Variants in CSRNP3 observed in about 807,000 individuals in gnomAD.
The protein encoded by CSRNP3 is cysteine/serine-rich nuclear protein 3.
In CSRNP3, 12 loss-of-function variants were observed where a neutral mutation model predicts 48.0. That is an observed-to-expected ratio of 0.25 (90% CI 0.16 to 0.41). The LOEUF (loss-of-function observed/expected upper bound fraction) is 0.41. Among genes scored for constraint, CSRNP3 ranks in the 10% least tolerant of loss-of-function variants. The pLI is 1.00. For synonymous variants in CSRNP3, 263 were observed against 269.7 expected (o/e 0.98, Z 0.24); for missense variants, 580 against 724.4 (o/e 0.80, Z 2.29).
At chr2:165,575,911 A>G (rs1685442732) in intron 3 of CSRNP3, among the ~76,000 whole-genome samples, 1 of 151,964 alleles carries the variant, frequency 6.6e-6, no homozygotes. Context: ...ATTTTCTTCT[A>G]AAGTGTTTCT....
Position 165,560,338 on chromosome 2 carries a change from GT to G in CSRNP3, c.-23-34701del, listed in dbSNP as rs1685216613. ...ATTACTCAGTGACTTTTGTAAAGCC[GT>G]TTTGAAAATTACCCATGTCATTAGC... On this transcript the variant is annotated intron_variant, in intron 3 of 6. Transcript: ENST00000651982. 4.6e-5 allele frequency among the ~76,000 whole-genome samples: 7 copies of G among 152,114 alleles called. 1 individual carries two copies. In the South Asian group the frequency reaches 1.4e-3, roughly 31 times the overall value.
Position 165,679,632 on chromosome 2 carries a change from C to T in CSRNP3, c.1637C>T (p.Ala546Val). Residue 546 changes from alanine (A) to valine (V), a missense_variant, in exon 7 of 7, where the codon GCA becomes GTA. This residue lies in a region of CSRNP3 where 369 missense variants were observed against 380.8 expected (regional missense o/e 0.97). Coordinates refer to ENST00000651982, the MANE Select transcript of CSRNP3 (RefSeq NM_001172173.2). ...CCCTCCCAAGAAGGGTTTGTCTCTG[C>T]ATTGAATGGTGACAGTCACATTTCA... ...KGPSQEGFVS[A>V]LNGDSHISEH... 6.2e-7 allele frequency: 1 copy of T among 1,614,142 alleles called. No homozygotes were observed. The highest frequency in any genetic ancestry group is 8.5e-7 in the Non-Finnish European group (1 of 1,180,002).
chr2:165,528,147 C>A (rs1007927151), intron 3 of CSRNP3, among the ~76,000 whole-genome samples: 7 of 151,978 alleles, frequency 4.6e-5, no homozygotes, highest in African/African-American at 1.7e-4. Context: ...AATGTTGAGT[C>A]CTTTGCCTAT....
In CSRNP3 at chr2:165,679,430, G is replaced by A; in HGVS notation, c.1435G>A (p.Asp479Asn). The A allele has an allele frequency of 6.2e-7, 1 of 1,612,974 alleles. No homozygotes were observed. Among genetic ancestry groups the A allele is most frequent in the Non-Finnish European group, 8.5e-7 (1 of 1,179,632 alleles). The change falls in exon 7 of 7, where the codon GAC becomes AAC. Residue 479 changes from aspartate (D) to asparagine (N), a missense_variant. Asp to Asn is a conservative substitution (Grantham distance 23). Transcript: ENST00000651982. ...CACCATGACCCCGGAGCAATTCGTT[G>A]ACTATGCCCGACAAGCAGAAGAGGC... ...PYTMTPEQFV[D>N]YARQAEEAYG...
intron 4 of CSRNP3, among the ~76,000 whole-genome samples, chr2:165,625,623 G>A (rs564376054): frequency 6.8e-6 from 1 of 146,508 alleles, no homozygotes; most frequent in South Asian, 2.4e-4. Flanking sequence ...AACAGAGTGA[G>A]ATTCTGTCAA....
At chr2:165,671,040 C>A (rs536585579) in intron 5 of CSRNP3, among the ~76,000 whole-genome samples, 5 of 152,230 alleles carry the variant, frequency 3.3e-5, no homozygotes, top group Admixed American at 6.5e-5. Flanking sequence ...GTGTTTAATT[C>A]CATGTTAAAT....
At chr2:165,497,295 C>T (rs946067093) in intron 2 of CSRNP3, among the ~76,000 whole-genome samples, 4 of 151,874 alleles carry the variant, frequency 2.6e-5, no homozygotes, top group Non-Finnish European at 4.4e-5. Context: ...ATGTACTTTT[C>T]TTTGTGAATT....
At chr2:165,625,462 AT>A (rs1686414455) in intron 4 of CSRNP3, among the ~76,000 whole-genome samples, 1 of 150,150 alleles carries the variant, frequency 6.7e-6, no homozygotes, top group Non-Finnish European at 1.5e-5. Context: ...CCTGTCTCTA[AT>A]AAAAAAAAAA....
chr2:165,472,567 C>T (rs1162290867), intron 1 of CSRNP3, among the ~76,000 whole-genome samples: 2 of 151,876 alleles, frequency 1.3e-5, no homozygotes, highest in South Asian at 2.1e-4. Flanking sequence ...TATAAAATTA[C>T]ATGCTTCAAA....
intron 4 of CSRNP3, among the ~76,000 whole-genome samples, chr2:165,603,918 T>G (rs987740653): frequency 4.6e-5 from 7 of 152,222 alleles, no homozygotes; most frequent in Admixed American, 1.3e-4. Context: ...TCTTGCACCC[T>G]TCATTCATAT....
At chr2:165,564,728 C>T (rs1446968633) in intron 3 of CSRNP3, among the ~76,000 whole-genome samples, 2 of 151,870 alleles carry the variant, frequency 1.3e-5, no homozygotes, top group East Asian at 1.9e-4. Flanking sequence ...TGATTTTAAT[C>T]GCTATCTGAT....
At chr2:165,516,730 A>T (rs1158782510) in intron 2 of CSRNP3, among the ~76,000 whole-genome samples, 2 of 152,160 alleles carry the variant, frequency 1.3e-5, no homozygotes, top group Admixed American at 6.5e-5. Context: ...TAGCTCTGTA[A>T]TTCCAATCAC....
At chr2:165,520,831 A>AT (rs71028492) in intron 3 of CSRNP3, among the ~76,000 whole-genome samples, 7 of 109,780 alleles carry the variant, frequency 6.4e-5, no homozygotes, top group African/African-American at 1.1e-4. Flanking sequence ...ATATATACAT[A>AT]TTTTTTTTTC....
chr2:165,538,972 C>G (rs889471225), intron 3 of CSRNP3, among the ~76,000 whole-genome samples: 1 of 151,856 alleles, frequency 6.6e-6, no homozygotes, highest in African/African-American at 2.4e-5. Flanking sequence ...AAAAGAAATA[C>G]TCCTAACGAT....
chr2:165,687,700 G>A lies in CSRNP3; in HGVS notation c.*7947G>A, dbSNP rs1687652839. The A allele has an allele frequency of 6.6e-6, 1 of 152,044 alleles. No homozygotes were observed. The highest frequency in any genetic ancestry group is 2.1e-4 in the South Asian group (1 of 4,828). The allele number at this position is 152,044 out of a possible 1,614,324, so 9.4% of individuals were successfully genotyped here. ...ACAATGGCTTCCTGCTTTCTCAGGG[G>A]TCAGGAAAATGATTTAAAAATTTGT... On this transcript the variant is annotated 3_prime_UTR_variant, in exon 7 of 7. Coordinates refer to ENST00000651982, the MANE Select transcript of CSRNP3 (RefSeq NM_001172173.2).
At chr2:165,487,674 A>G (rs1434442875) in intron 1 of CSRNP3, among the ~76,000 whole-genome samples, 3 of 145,658 alleles carry the variant, frequency 2.1e-5, no homozygotes, top group Non-Finnish European at 4.5e-5. Context: ...TTCAACCCAG[A>G]ATTTCATATC....
chr2:165,524,099 G>C (rs999493466), intron 3 of CSRNP3, among the ~76,000 whole-genome samples: 1 of 152,140 alleles, frequency 6.6e-6, no homozygotes, highest in African/African-American at 2.4e-5. Context: ...AACCATACAT[G>C]TGATCATAAA....
chr2:165,633,016 T>C (rs1337788834), intron 4 of CSRNP3, among the ~76,000 whole-genome samples: 1 of 152,236 alleles, frequency 6.6e-6, no homozygotes, highest in Non-Finnish European at 1.5e-5. Context: ...TCTTATGTCA[T>C]ACTTTATGCA....
intron 4 of CSRNP3, among the ~76,000 whole-genome samples, chr2:165,598,847 C>CT (rs1183991049): frequency 6.6e-6 from 1 of 151,938 alleles, no homozygotes; most frequent in African/African-American, 2.4e-5. Context: ...TTTAATAGTG[C>CT]TTTTTTCACT....
Sources: allele counts gnomAD v4.1 joint callset (sites outside exome capture counted in the v4.1 genomes callset), GRCh38; gene constraint gnomAD v4.1.1; regional missense constraint gnomAD v4.1.1; transcripts MANE v1.5; gene names NCBI Gene and HGNC (gene_info 2026-07-23, HGNC 2026-07-21).